The following ASPA variants were observed in gnomAD, a reference collection of about 807,000 sequenced individuals.
ASPA encodes the protein aspartoacylase, also known as ACY-2.
A neutral mutation model predicts 29.6 loss-of-function variants in ASPA; 25 were observed. That is an observed-to-expected ratio of 0.85 (90% CI 0.62 to 1.18). The LOEUF (loss-of-function observed/expected upper bound fraction) is 1.18, where lower values mean the gene tolerates loss of function less well. Among genes scored for constraint, ASPA ranks in the 50% most tolerant of loss-of-function variants. The pLI is 0.00. For synonymous variants in ASPA, 131 were observed against 130.3 expected (o/e 1.01, Z -0.04); for missense variants, 333 against 385.7 (o/e 0.86, Z 1.14).
At chr17:3,477,080 G>A (rs538167612) in intron 1 of ASPA, among the ~76,000 whole-genome samples, 30 of 151,988 alleles carry the variant, frequency 2.0e-4, no homozygotes, top group Admixed American at 1.6e-3. Context: ...GCGTGAACCC[G>A]GGAGGCGGAG....
intron 3 of ASPA, 51 bp from the exon 4 acceptor site, chr17:3,489,184 A>G (rs2073777971): frequency 9.0e-7 from 1 of 1,114,828 alleles, no homozygotes; most frequent in East Asian, 2.4e-5. Flanking sequence ...TTAGTTTTAT[A>G]ATATATTTTC....
chr17:3,484,598 G>A (rs561932969), intron 3 of ASPA, among the ~76,000 whole-genome samples: 9 of 152,166 alleles, frequency 5.9e-5, no homozygotes, highest in Non-Finnish European at 1.3e-4. Flanking sequence ...GTGATGAAAG[G>A]CCATTGCTGA....
intron 4 of ASPA, among the ~76,000 whole-genome samples, chr17:3,492,193 T>A (rs1329831816): frequency 2.0e-5 from 3 of 152,206 alleles, no homozygotes; most frequent in Admixed American, 1.3e-4. Flanking sequence ...AAATTTCTTA[T>A]TAAAAAAGCT....
At position 3,490,370 on chromosome 17, in the gene ASPA, GTTTAC is replaced by G. The variant is rs2073803780; in HGVS notation, c.634+1033_634+1037del. Among the ~76,000 whole-genome samples the G allele has an allele frequency of 6.6e-6, 1 of 152,146 alleles. No individual in the cohort carries two copies. The highest frequency in any genetic ancestry group is 2.4e-5 in the African/African-American group (1 of 41,436). ...AAAAAGTCTATTAGTTATAAAAAAA[GTTTAC>G]TTTAAAATGGAAAATAGTTGCTTAA... On this transcript the variant is annotated intron_variant, in intron 4 of 5. Transcript: ENST00000263080. The surrounding 1 kb of genome is among the most constrained non-coding windows in gnomAD (Gnocchi z 4.6).
At chr17:3,492,750 C>G (rs1321889585) in intron 4 of ASPA, among the ~76,000 whole-genome samples, 1 of 152,158 alleles carries the variant, frequency 6.6e-6, no homozygotes, top group East Asian at 1.9e-4. Flanking sequence ...TCATGCAACT[C>G]CAGCTGACAG....
At position 3,476,082 on chromosome 17, in the gene ASPA, A is replaced by T. The variant is rs1176188063; in HGVS notation, c.-78A>T. On this transcript the variant is annotated 5_prime_UTR_variant, in exon 1 of 6. Coordinates refer to ENST00000263080, the MANE Select transcript of ASPA (RefSeq NM_000049.4). Reference sequence around the variant, plus strand: ...TGGGTAAAGTCTCATTTACATTTCTAAACCTTTCTTAAGAAAATCGAATTT... The same window carrying T: ...TGGGTAAAGTCTCATTTACATTTCTTAACCTTTCTTAAGAAAATCGAATTT... 1 of 1,353,114 alleles carries T rather than the reference A, an allele frequency of 7.4e-7. No homozygotes were observed. The highest frequency in any genetic ancestry group is 1.0e-6 in the Non-Finnish European group (1 of 953,326). The allele number at this position is 1,353,114 out of a possible 1,614,324, so 83.8% of individuals were successfully genotyped here.
Position 3,476,217 on chromosome 17 carries a change from A to C in ASPA, c.58A>C (p.Thr20Pro). The stretch of plus-strand genomic sequence containing the variant: ...ACAAAAGGTTGCTATCTTTGGAGGA[A>C]CCCATGGGAATGAGCTAACCGGAGT... Reference protein sequence around the residue: ...HIQKVAIFGGTHGNELTGVFL... With the variant: ...HIQKVAIFGGPHGNELTGVFL... Residue 20 changes from threonine to proline, a missense_variant, in exon 1 of 6, where the codon ACC becomes CCC. Transcript: ENST00000263080. 6.2e-7 allele frequency: 1 copy of C among 1,614,094 alleles called. No individual in the cohort carries two copies. The highest frequency in any genetic ancestry group is 8.5e-7 in the Non-Finnish European group (1 of 1,180,004).
intron 1 of ASPA, 63 bp from the exon 2 acceptor site, chr17:3,481,540 A>T: frequency 6.8e-7 from 1 of 1,463,914 alleles, no homozygotes; most frequent in African/African-American, 1.4e-5. Context: ...CTGTGTTCTT[A>T]TTATATGTTT....
At chr17:3,482,468 C>G (rs574676943) in intron 2 of ASPA, among the ~76,000 whole-genome samples, 3 of 152,190 alleles carry the variant, frequency 2.0e-5, no homozygotes, top group African/African-American at 7.2e-5. Context: ...AGCCTTCCTT[C>G]CTGAGAGCAA....
At chr17:3,476,997 T>C (rs2073534851) in intron 1 of ASPA, among the ~76,000 whole-genome samples, 1 of 151,934 alleles carries the variant, frequency 6.6e-6, no homozygotes, top group Admixed American at 6.6e-5. Context: ...CTACTAAAAA[T>C]ACAAAAAATT....
rs898893501 is a variant in ASPA at position 3,485,760 on chromosome 17, G to C, written c.526+2168G>C. 2.6e-5 allele frequency among the ~76,000 whole-genome samples: 4 copies of C among 152,168 alleles called. No homozygotes were observed. Among genetic ancestry groups the C allele is most frequent in the African/African-American group, 9.7e-5 (4 of 41,444 alleles). On this transcript the variant is annotated intron_variant, in intron 3 of 5. Coordinates refer to ENST00000263080, the MANE Select transcript of ASPA (RefSeq NM_000049.4). This position sits in a 1 kb window ranked among gnomAD's most constrained non-coding sequence, Gnocchi z 4.4. ...ATTAGCCTAGCACCTCTGAGTGGAT[G>C]CCAGTAGAAGACACAAGACTCCTAA... is the stretch of plus-strand genomic sequence containing the variant.
chr17:3,481,563 G>A (rs750900258), intron 1 of ASPA, 40 bp from the exon 2 acceptor site: 4 of 1,548,244 alleles, frequency 2.6e-6, no homozygotes, highest in African/African-American at 1.4e-5. Context: ...ATTATCTCAG[G>A]CACAGATGTT....
chr17:3,490,579 G>C lies in ASPA; in HGVS notation c.634+1237G>C, dbSNP rs1206914926. 6.6e-6 allele frequency among the ~76,000 whole-genome samples: 1 copy of C among 152,006 alleles called. No homozygotes were observed. The highest frequency in any genetic ancestry group is 6.5e-5 in the Admixed American group (1 of 15,272). On this transcript the variant is annotated intron_variant, in intron 4 of 5. Transcript: ENST00000263080. The surrounding 1 kb of genome is among the most constrained non-coding windows in gnomAD (Gnocchi z 4.6). ...ATCACAGACATTCGTTTTGTGCTTG[G>C]GAATCCTTTGACTCCAAAATCATGA... is the stretch of plus-strand genomic sequence containing the variant.
Position 3,491,750 on chromosome 17 carries a change from AAAAAAAAG to A in ASPA, c.634+2412_634+2419del, listed in dbSNP as rs1290878153. Among the ~76,000 whole-genome samples, 1,189 of 151,618 alleles carry A rather than the reference AAAAAAAAG, an allele frequency of 7.8e-3. 15 individuals are homozygous for A. Among genetic ancestry groups the A allele is most frequent in the Non-Finnish European group, 9.6e-3 (655 of 67,972 alleles). On this transcript the variant is annotated intron_variant, in intron 4 of 5. Transcript: ENST00000263080. ...GTGACAGAGTGAGACTGTCTCAAAA[AAAAAAAAG>A]AAAGAAAGAAAGAAGTCTACATTAG...
At chr17:3,483,430 ACT>A in intron 2 of ASPA, 67 bp from the exon 3 acceptor site, 1 of 1,325,302 alleles carries the variant, frequency 7.5e-7, no homozygotes. Flanking sequence ...GGTATTATTG[ACT>A]CTGTTGAAGC....
At chr17:3,495,681 G>A (rs2073897162) in intron 5 of ASPA, among the ~76,000 whole-genome samples, 1 of 152,174 alleles carries the variant, frequency 6.6e-6, no homozygotes, top group African/African-American at 2.4e-5. Context: ...CAATTCTCCT[G>A]CCTCAGCCTC....
intron 3 of ASPA, among the ~76,000 whole-genome samples, chr17:3,486,080 C>T (rs2150750819): frequency 6.6e-6 from 1 of 152,126 alleles, no homozygotes; most frequent in Admixed American, 6.5e-5. Flanking sequence ...TTACAGGTGC[C>T]CACCACCATA....
At chr17:3,498,471 CTGAG>C (rs2073944794) in intron 5 of ASPA, among the ~76,000 whole-genome samples, 2 of 152,194 alleles carry the variant, frequency 1.3e-5, no homozygotes, top group South Asian at 2.1e-4. Flanking sequence ...CCTCAGCCTC[CTGAG>C]TATCTGGGAC....
chr17:3,498,722 G>C (rs750371324), intron 5 of ASPA, among the ~76,000 whole-genome samples, 169 bp from the exon 6 acceptor site: 3 of 152,130 alleles, frequency 2.0e-5, no homozygotes, highest in African/African-American at 4.8e-5. Flanking sequence ...CAAAATTCAC[G>C]ACCCAATGTC....
Sources: allele counts gnomAD v4.1 joint callset (sites outside exome capture counted in the v4.1 genomes callset), GRCh38; gene constraint gnomAD v4.1.1; non-coding constraint Gnocchi (gnomAD v3.1); transcripts MANE v1.5; gene names NCBI Gene and HGNC (gene_info 2026-07-23, HGNC 2026-07-21).